The following CMTM8 variants were observed in gnomAD, a reference collection of about 807,000 sequenced individuals.
CMTM8 encodes the protein CKLF-like MARVEL transmembrane domain-containing protein 8.
CMTM8 carries 12 observed loss-of-function variants against 18.6 expected under a neutral mutation model. The ratio of observed to expected loss-of-function variants is 0.65; its 90% CI spans 0.41 to 1.05. CMTM8 has a LOEUF of 1.05. Among genes scored for constraint, CMTM8 ranks in the 50% least tolerant of loss-of-function variants. CMTM8 has a pLI of 0.00. For synonymous variants in CMTM8, 87 were observed against 90.6 expected, an observed-to-expected ratio of 0.96 and a Z score of 0.23; for missense variants, 217 against 227.2, an observed-to-expected ratio of 0.95 and a Z score of 0.29.
chr3:32,266,078 G>A (rs1269246377), intron 1 of CMTM8, among the ~76,000 whole-genome samples: 1 of 152,176 alleles, frequency 6.6e-6, no homozygotes, highest in Non-Finnish European at 1.5e-5. Flanking sequence ...AATAGAAAAA[G>A]AGGGAATCCT....
chr3:32,349,845 T>C (rs1055785478), intron 1 of CMTM8, among the ~76,000 whole-genome samples: 2 of 151,944 alleles, frequency 1.3e-5, no homozygotes, highest in African/African-American at 4.8e-5. Context: ...CCATCTCTAC[T>C]AAAAATACAA....
chr3:32,319,609 A>G (rs971993690), intron 1 of CMTM8, among the ~76,000 whole-genome samples: 1 of 152,118 alleles, frequency 6.6e-6, no homozygotes, highest in African/African-American at 2.4e-5. Context: ...AGCATTTCCT[A>G]CATGTTAAGT....
At chr3:32,312,042 C>T (rs1434697789) in intron 1 of CMTM8, among the ~76,000 whole-genome samples, 2 of 152,160 alleles carry the variant, frequency 1.3e-5, no homozygotes, top group Non-Finnish European at 2.9e-5. Context: ...CCTTGGTTTA[C>T]GGAAGTAACA....
intron 1 of CMTM8, among the ~76,000 whole-genome samples, chr3:32,308,851 C>G (rs1284572323): frequency 6.6e-6 from 1 of 152,114 alleles, no homozygotes; most frequent in Non-Finnish European, 1.5e-5. Flanking sequence ...TCTCTAGGAA[C>G]CTAAGGTTCA....
chr3:32,356,172 G>A (rs766804876), intron 1 of CMTM8, among the ~76,000 whole-genome samples: 11 of 152,254 alleles, frequency 7.2e-5, no homozygotes, highest in Admixed American at 1.3e-4. Context: ...TCTGTCTTCC[G>A]AGCCTCTTGA....
chr3:32,255,786 A>G (rs911344254), intron 1 of CMTM8, among the ~76,000 whole-genome samples: 1 of 152,110 alleles, frequency 6.6e-6, no homozygotes, highest in Admixed American at 6.5e-5. Flanking sequence ...GTGCAGTGAC[A>G]TGATCTTGGC....
intron 1 of CMTM8, among the ~76,000 whole-genome samples, chr3:32,256,859 TATA>T (rs1702179576): frequency 6.6e-6 from 1 of 152,200 alleles, no homozygotes; most frequent in Non-Finnish European, 1.5e-5. Flanking sequence ...CTGTAACTTC[TATA>T]ATGTTTGTCA....
chr3:32,313,259 T>C (rs1166724758), intron 1 of CMTM8, among the ~76,000 whole-genome samples: 2 of 152,146 alleles, frequency 1.3e-5, no homozygotes, highest in Non-Finnish European at 2.9e-5. Flanking sequence ...TCCCGACGGA[T>C]TCTTTCTGAG....
intron 1 of CMTM8, among the ~76,000 whole-genome samples, chr3:32,320,140 G>T (rs966890110): frequency 7.9e-5 from 12 of 152,178 alleles, no homozygotes; most frequent in Non-Finnish European, 1.6e-4. Context: ...TGGTTTAAGA[G>T]AAATGAAAAC....
At chr3:32,291,215 G>GC (rs1702774861) in intron 1 of CMTM8, among the ~76,000 whole-genome samples, 1 of 151,800 alleles carries the variant, frequency 6.6e-6, no homozygotes, top group African/African-American at 2.4e-5. Flanking sequence ...TGCAAGCTCT[G>GC]CCCCCCGGGT....
chr3:32,262,185 C>G (rs936864249), intron 1 of CMTM8, among the ~76,000 whole-genome samples: 1 of 152,126 alleles, frequency 6.6e-6, no homozygotes, highest in African/African-American at 2.4e-5. Flanking sequence ...CTCTCAACAC[C>G]ACGAAGCGAG....
intron 1 of CMTM8, among the ~76,000 whole-genome samples, chr3:32,309,300 A>ATTTTTTT (rs4038996): frequency 2.1e-5 from 2 of 96,434 alleles, no homozygotes; most frequent in African/African-American, 4.1e-5. Context: ...CAATTTACCA[A>ATTTTTTT]TTTTTTTTTT....
At position 32,238,990 on chromosome 3, in the gene CMTM8, C is replaced by G. The variant is rs553519943; in HGVS notation, c.18C>G (p.Arg6=). The change falls in exon 1 of 4, where the codon CGC becomes CGG. Residue 6 remains arginine (R), a synonymous_variant. Transcript: ENST00000307526. MEEPQ[R]ARSHTVTTTA... ...GCTCGACGATGGAGGAGCCGCAGCG[C>G]GCCCGCTCGCACACAGTCACCACCA... 20 of 1,550,738 alleles carry G rather than the reference C, an allele frequency of 1.3e-5. No individual in the cohort carries two copies. In the East Asian group the frequency reaches 3.7e-4, roughly 29 times the overall value.
chr3:32,289,903 G>A lies in CMTM8; in HGVS notation c.147+50784G>A, dbSNP rs796328272. The stretch of plus-strand genomic sequence containing the variant: ...CCCAGCACTTTAGGAGGCCGAGGCC[G>A]GTAGATTGCTCGAGCTTAGAAGTTC... On this transcript the variant is annotated intron_variant, in intron 1 of 3. Coordinates refer to ENST00000307526, the MANE Select transcript of CMTM8 (RefSeq NM_178868.5). Among the ~76,000 whole-genome samples the A allele has an allele frequency of 2.4e-4, 37 of 152,224 alleles. 1 individual carries two copies. Among genetic ancestry groups the A allele is most frequent in the Admixed American group, 9.8e-4 (15 of 15,290 alleles).
At chr3:32,366,902 A>C (rs1274549052) in intron 2 of CMTM8, among the ~76,000 whole-genome samples, 1 of 152,222 alleles carries the variant, frequency 6.6e-6, no homozygotes, top group African/African-American at 2.4e-5. Flanking sequence ...AAGTGCCCTG[A>C]CCTGAAGACA....
At position 32,273,129 on chromosome 3, in the gene CMTM8, A is replaced by ATGTGTGTGTGTGTGTGTGTGTG. The variant is rs60162265; in HGVS notation, c.147+34022_147+34043dup. On this transcript the variant is annotated intron_variant, in intron 1 of 3. Coordinates refer to ENST00000307526, the MANE Select transcript of CMTM8 (RefSeq NM_178868.5). ...CAAGGGTGTGGAGAAATTGGAACAA[A>ATGTGTGTGTGTGTGTGTGTGTG]TGTGTGTGTGTGTGTGTGTGTGTGT... 3.1e-3 allele frequency among the ~76,000 whole-genome samples: 446 copies of ATGTGTGTGTGTGTGTGTGTGTG among 143,008 alleles called. 5 individuals are homozygous for ATGTGTGTGTGTGTGTGTGTGTG. The highest frequency in any genetic ancestry group is 4.6e-3 in the Admixed American group (66 of 14,222). The allele number at this position is 143,008 out of a possible 152,430, so 93.8% of individuals were successfully genotyped here. A position where few individuals can be genotyped will look rare whatever the true frequency, so the allele number is the denominator to read the frequency against.
At chr3:32,250,979 CAT>C (rs1447413283) in intron 1 of CMTM8, among the ~76,000 whole-genome samples, 1 of 152,142 alleles carries the variant, frequency 6.6e-6, no homozygotes, top group East Asian at 1.9e-4. Flanking sequence ...TGTGGTTCGA[CAT>C]ATGTTTTTAA....
intron 1 of CMTM8, among the ~76,000 whole-genome samples, chr3:32,309,191 G>A (rs1312557068): frequency 1.3e-5 from 2 of 152,068 alleles, no homozygotes; most frequent in Non-Finnish European, 2.9e-5. Context: ...GGGTGGTGGG[G>A]CAGAGCATTG....
chr3:32,284,219 C>T (rs1390953107), intron 1 of CMTM8, among the ~76,000 whole-genome samples: 1 of 152,248 alleles, frequency 6.6e-6, no homozygotes, highest in Non-Finnish European at 1.5e-5. Context: ...TGCCACTGCA[C>T]TCCAGCCTGG....
Sources: allele counts gnomAD v4.1 joint callset (sites outside exome capture counted in the v4.1 genomes callset), GRCh38; gene constraint gnomAD v4.1.1; transcripts MANE v1.5; gene names NCBI Gene and HGNC (gene_info 2026-07-23, HGNC 2026-07-21).